NBL1: variants seen among roughly 807,000 people sequenced by gnomAD.
NBL1 encodes neuroblastoma suppressor of tumorigenicity 1.
NBL1 carries 9 observed loss-of-function variants against 16.0 expected under a neutral mutation model. The ratio of observed to expected loss-of-function variants is 0.56; its 90% CI spans 0.34 to 0.98. The LOEUF is 0.98. Ranked by LOEUF, NBL1 falls within the 50% of genes least tolerant of loss-of-function variation. The pLI is 0.02. For synonymous variants in NBL1, 86 were observed against 100.7 expected (o/e 0.85, Z 0.87); for missense variants, 196 against 243.1 (o/e 0.81, Z 1.29).
intron 1 of NBL1, among the ~76,000 whole-genome samples, chr1:19,648,472 T>C (rs1212582650): frequency 6.6e-6 from 1 of 152,138 alleles, no homozygotes; most frequent in Admixed American, 6.5e-5. Flanking sequence ...TTGGCAGGCA[T>C]CTCAGGAAAG....
At chr1:19,648,611 G>C (rs1200960970) in intron 1 of NBL1, among the ~76,000 whole-genome samples, 1 of 152,230 alleles carries the variant, frequency 6.6e-6, no homozygotes, top group Non-Finnish European at 1.5e-5. Flanking sequence ...GGGAGCTACG[G>C]GTGGGTCACT....
intron 1 of NBL1, among the ~76,000 whole-genome samples, chr1:19,653,304 A>G (rs1321118573): frequency 2.0e-5 from 3 of 151,530 alleles, no homozygotes; most frequent in Non-Finnish European, 4.4e-5. Flanking sequence ...AAAAAAAAAA[A>G]AAGTACCTGG....
At chr1:19,649,165 C>T (rs141130080) in intron 1 of NBL1, among the ~76,000 whole-genome samples, 110 of 152,142 alleles carry the variant, frequency 7.2e-4, no homozygotes, top group African/African-American at 2.3e-3. Flanking sequence ...GTTCAAATCC[C>T]GGTTCTCCTG....
chr1:19,651,207 C>T (rs1398321673), intron 1 of NBL1, among the ~76,000 whole-genome samples: 1 of 152,222 alleles, frequency 6.6e-6, no homozygotes, highest in East Asian at 1.9e-4. Context: ...ACACTGGGGA[C>T]TCCAGGGTCC....
At chr1:19,644,085 C>T (rs2094962395), upstream of NBL1, 1 of 973,196 alleles carries the variant, frequency 1.0e-6, no homozygotes, top group Non-Finnish European at 1.2e-6. This position sits in a 1 kb window ranked among gnomAD's most constrained non-coding sequence, Gnocchi z 4.6. Flanking sequence ...CCCACCACGC[C>T]GTCGGAGCGC....
rs1439171718 is a variant in NBL1 at position 19,657,470 on chromosome 1, T to C, written c.*341T>C. The C allele has an allele frequency of 6.0e-6, 1 of 165,644 alleles. No individual in the cohort carries two copies. The highest frequency in any genetic ancestry group is 1.6e-4 in the East Asian group (1 of 6,076). 10.3% of individuals were successfully genotyped at this position (165,644 alleles called of 1,614,324 possible). ...GAGTGCTGGGGGAGGCCATCCAAGATGGCATGAATCGGGCTAAGGTCCCTG... is the reference window on the plus strand; with the variant it reads ...GAGTGCTGGGGGAGGCCATCCAAGACGGCATGAATCGGGCTAAGGTCCCTG... On this transcript the variant is annotated 3_prime_UTR_variant, in exon 4 of 4. Transcript: ENST00000375136.
At chr1:19,652,128 G>A (rs559867685) in intron 1 of NBL1, among the ~76,000 whole-genome samples, 1 of 152,112 alleles carries the variant, frequency 6.6e-6, no homozygotes, top group Non-Finnish European at 1.5e-5. Context: ...CCTGTGACCT[G>A]TTGTTCCTGA....
At position 19,656,979 on chromosome 1, in the gene NBL1, G is replaced by T; in HGVS notation, c.396G>T (p.Leu132=). 1 of 1,608,960 alleles carries T rather than the reference G, an allele frequency of 6.2e-7. No individual in the cohort carries two copies. Among genetic ancestry groups the T allele is most frequent in the Non-Finnish European group, 8.5e-7 (1 of 1,177,924 alleles). The change falls in exon 4 of 4, where the codon CTG becomes CTT. Residue 132 remains leucine, a synonymous_variant. Coordinates refer to ENST00000375136, the MANE Select transcript of NBL1 (RefSeq NM_005380.8). ...ACGKEPSHEG[L]SVYVQGEDGP... ...GCAAGGAGCCTAGTCACGAGGGGCT[G>T]AGCGTCTATGTGCAGGGCGAGGACG...
chr1:19,646,777 C>T (rs946167110), intron 1 of NBL1, among the ~76,000 whole-genome samples: 2 of 152,234 alleles, frequency 1.3e-5, no homozygotes, highest in Non-Finnish European at 1.5e-5. Context: ...TGGGATCTTC[C>T]TCTCAGTTCC....
Position 19,658,273 on chromosome 1 carries a change from G to C in NBL1, c.*1144G>C, listed in dbSNP as rs758052082. ...GGCGGGCCCATGAAGAAAGCCCCTC[G>C]TTGCCCAGCACTGTCTGCGTCTGCT... is the stretch of plus-strand genomic sequence containing the variant. On this transcript the variant is annotated 3_prime_UTR_variant, in exon 4 of 4. Coordinates refer to ENST00000375136, the MANE Select transcript of NBL1 (RefSeq NM_005380.8). The C allele has an allele frequency of 6.5e-6, 1 of 152,740 alleles. No homozygotes were observed. The highest frequency in any genetic ancestry group is 1.5e-5 in the Non-Finnish European group (1 of 68,100). 9.5% of individuals were successfully genotyped at this position (152,740 alleles called of 1,614,324 possible).
chr1:19,651,594 C>T (rs1387100063), intron 1 of NBL1, among the ~76,000 whole-genome samples: 2 of 152,304 alleles, frequency 1.3e-5, no homozygotes, highest in South Asian at 2.1e-4. Context: ...CCCACAGCCT[C>T]GGTTGTGACC....
chr1:19,656,912 A>G lies in NBL1; in HGVS notation c.329A>G (p.Lys110Arg). The G allele has an allele frequency of 3.7e-6, 6 of 1,613,386 alleles. No individual in the cohort carries two copies. Among genetic ancestry groups the G allele is most frequent in the Non-Finnish European group, 5.1e-6 (6 of 1,179,726 alleles). ...CACGAGGAGGTGCCCAGGGTGGACA[A>G]GCTGGTGGAGAAGATCCTGCACTGT... ...PGHEEVPRVD[K>R]LVEKILHCSC... is the part of the protein sequence containing the mutation. The change falls in exon 4 of 4, where the codon AAG becomes AGG. Residue 110 changes from lysine to arginine, a missense_variant. By Grantham distance (26) the Lys-to-Arg change is conservative. Transcript: ENST00000375136.
chr1:19,643,495 C>T (rs2094960117), upstream of NBL1: 9 of 1,546,904 alleles, frequency 5.8e-6, no homozygotes, highest in Non-Finnish European at 7.9e-6. This position sits in a 1 kb window ranked among gnomAD's most constrained non-coding sequence, Gnocchi z 4.7. Context: ...TTTTCTCACC[C>T]CGTTGTTAAG....
At chr1:19,651,642 C>T (rs1416915775) in intron 1 of NBL1, among the ~76,000 whole-genome samples, 1 of 151,938 alleles carries the variant, frequency 6.6e-6, no homozygotes, top group Non-Finnish European at 1.5e-5. Context: ...CCCCAGCCTC[C>T]CTCCCTCCCT....
chr1:19,644,516 GC>G lies in NBL1; in HGVS notation c.-20+75del. The G allele has an allele frequency of 1.2e-6, 1 of 863,550 alleles. No individual in the cohort carries two copies. The highest frequency in any genetic ancestry group is 1.4e-6 in the Non-Finnish European group (1 of 721,040). 53.5% of individuals were successfully genotyped at this position (863,550 alleles called of 1,614,324 possible). A position where few individuals can be genotyped will look rare whatever the true frequency, so the allele number is the denominator to read the frequency against. On this transcript the variant is annotated intron_variant, in intron 1 of 3. Coordinates refer to ENST00000375136, the MANE Select transcript of NBL1 (RefSeq NM_005380.8). This position sits in a 1 kb window ranked among gnomAD's most constrained non-coding sequence, Gnocchi z 4.6. ...GCTTCGGCCGCGGGGGCAGTGCCGC[GC>G]CCCCAGCCCGGAGCTGCGTCCCCCG...
intron 3 of NBL1, 40 bp from the exon 4 acceptor site, chr1:19,656,826 C>T (rs1361064694): frequency 7.6e-6 from 12 of 1,579,438 alleles, no homozygotes; most frequent in Non-Finnish European, 8.6e-6. Flanking sequence ...TGCCCCAGAC[C>T]TTTGGGAACA....
At chr1:19,654,079 T>C (rs955453719) in intron 1 of NBL1, among the ~76,000 whole-genome samples, 4 of 152,136 alleles carry the variant, frequency 2.6e-5, no homozygotes, top group African/African-American at 9.7e-5. Context: ...CAGGGTCAGT[T>C]TTTTTGCCTG....
Position 19,644,764 on chromosome 1 carries a change from G to A in NBL1, c.-20+318G>A, listed in dbSNP as rs1331772523. Among the ~76,000 whole-genome samples the A allele has an allele frequency of 2.0e-4, 31 of 151,868 alleles. No individual in the cohort carries two copies. Among genetic ancestry groups the A allele is most frequent in the Non-Finnish European group, 3.5e-4 (24 of 67,904 alleles). ...CCGGGGGAGAGAGGGAGCGAGGGAG[G>A]GAGATGCGTGGCCGGGCGGGCCGGG... On this transcript the variant is annotated intron_variant, in intron 1 of 3. Transcript: ENST00000375136. The surrounding 1 kb of genome is among the most constrained non-coding windows in gnomAD (Gnocchi z 4.6).
intron 3 of NBL1, among the ~76,000 whole-genome samples, chr1:19,656,071 C>T (rs1329693460): frequency 1.6e-4 from 24 of 152,190 alleles, no homozygotes; most frequent in Non-Finnish European, 1.5e-5. Context: ...GCACCTTTCA[C>T]ACCTGCAGTC....
Sources: gnomAD v4.1 joint callset for allele counts (sites outside exome capture counted in the v4.1 genomes callset) on GRCh38, gnomAD v4.1.1 for gene constraint, Gnocchi (gnomAD v3.1) non-coding constraint, MANE v1.5 for transcripts, NCBI Gene and HGNC (gene_info 2026-07-23, HGNC 2026-07-21) for gene names.